Variants in TLK1 observed in about 807,000 individuals in gnomAD.
TLK1 encodes tousled like kinase 1, also known as serine/threonine-protein kinase tousled-like 1.
Under a neutral mutation model 105.3 loss-of-function variants are expected in TLK1, and 24 were observed. The observed-to-expected ratio is 0.23, with a 90% CI of 0.17 to 0.32. TLK1 has a LOEUF of 0.32. TLK1 is among the 10% of genes least tolerant of loss of function. The pLI is 1.00. For synonymous variants in TLK1, 321 were observed against 310.4 expected (o/e 1.03, Z -0.36); for missense variants, 558 against 910.5 (o/e 0.61, Z 4.98).
At chr2:171,080,228 A>G (rs887007599) in intron 3 of TLK1, among the ~76,000 whole-genome samples, 1 of 151,280 alleles carries the variant, frequency 6.6e-6, no homozygotes, top group Admixed American at 6.6e-5. Context: ...TAAACCTTCC[A>G]GTACTATTTG....
At chr2:171,021,507 A>C (rs987043556) in intron 12 of TLK1, among the ~76,000 whole-genome samples, 2 of 142,418 alleles carry the variant, frequency 1.4e-5, no homozygotes, top group African/African-American at 2.7e-5. Context: ...GGCTGAAGCA[A>C]TCCTCTGGCC....
intron 3 of TLK1, among the ~76,000 whole-genome samples, chr2:171,072,629 G>A (rs1005732813): frequency 3.3e-5 from 5 of 152,288 alleles, no homozygotes; most frequent in Admixed American, 6.5e-5. Context: ...TTAGCCAAGC[G>A]TGGTGGTGGG....
intron 1 of TLK1, among the ~76,000 whole-genome samples, chr2:171,222,927 G>A (rs1693834617): frequency 6.6e-6 from 1 of 152,032 alleles, no homozygotes. Flanking sequence ...TGATTCTCTT[G>A]CATCAGCCTC....
At chr2:171,050,031 G>A in intron 9 of TLK1, 33 bp downstream of exon 9, 1 of 1,606,482 alleles carries the variant, frequency 6.2e-7, no homozygotes. Context: ...GCTAATGAAG[G>A]GAAAGCGAAA....
At chr2:171,153,845 A>G (rs1025256706) in intron 1 of TLK1, 1 of 152,194 alleles carries the variant, frequency 6.6e-6, no homozygotes, top group African/African-American at 2.4e-5. Flanking sequence ...CTATCACACT[A>G]CTTACCATGC....
Position 171,002,270 on chromosome 2 carries a change from T to C in TLK1, c.1904+3877A>G, listed in dbSNP as rs191833988. 3.9e-5 allele frequency among the ~76,000 whole-genome samples: 6 copies of C among 152,236 alleles called. No individual in the cohort carries two copies. The East Asian group carries it at 1.2e-3, about 29-fold the overall frequency. Reference sequence around the variant, plus strand: ...GTCATATCATCTTTTTCTTTTTTTTTACTTTTGAGACAGAGTCTGGCTCTG... The same window carrying C: ...GTCATATCATCTTTTTCTTTTTTTTCACTTTTGAGACAGAGTCTGGCTCTG... On this transcript the variant is annotated intron_variant, in intron 18 of 20. Coordinates refer to ENST00000431350, the MANE Select transcript of TLK1 (RefSeq NM_012290.5).
chr2:171,004,344 G>GT (rs1294424211), intron 18 of TLK1, among the ~76,000 whole-genome samples: 1 of 151,380 alleles, frequency 6.6e-6, no homozygotes, highest in African/African-American at 2.4e-5. Flanking sequence ...ATTTTCCAAT[G>GT]TATTTATCGG....
At chr2:171,145,979 C>G (rs1691776426) in intron 1 of TLK1, among the ~76,000 whole-genome samples, 2 of 151,560 alleles carry the variant, frequency 1.3e-5, no homozygotes, top group Admixed American at 1.3e-4. Context: ...TCTCAGTGGT[C>G]GTTACACAGG....
chr2:171,082,761 T>C lies in TLK1; in HGVS notation c.330+20A>G. On this transcript the variant is annotated intron_variant, in intron 3 of 20. Coordinates refer to ENST00000431350, the MANE Select transcript of TLK1 (RefSeq NM_012290.5). ...CAGCTTTTACTTTAATAGCACCATATTTAAAATGAAATTACTTACCTCTGA... is the reference window on the plus strand; with the variant it reads ...CAGCTTTTACTTTAATAGCACCATACTTAAAATGAAATTACTTACCTCTGA... 6.4e-7 allele frequency: 1 copy of C among 1,560,726 alleles called. No individual in the cohort carries two copies. The highest frequency in any genetic ancestry group is 8.8e-7 in the Non-Finnish European group (1 of 1,140,846).
intron 2 of TLK1, among the ~76,000 whole-genome samples, chr2:171,106,665 T>A (rs537311913): frequency 6.6e-6 from 1 of 152,194 alleles, no homozygotes; most frequent in African/African-American, 2.4e-5. Context: ...TACCAGCAAT[T>A]TGATCCTTAG....
chr2:171,225,408 C>T (rs968544771), intron 1 of TLK1, among the ~76,000 whole-genome samples: 1 of 151,840 alleles, frequency 6.6e-6, no homozygotes, highest in African/African-American at 2.4e-5. Context: ...ATCAGGGACT[C>T]AAAACCACAA....
rs1376950429 is a variant in TLK1, at chr2:170,996,699, G to A, written c.2078C>T (p.Thr693Ile). 1.9e-5 allele frequency: 31 copies of A among 1,613,874 alleles called. No individual in the cohort carries two copies. The highest frequency in any genetic ancestry group is 2.5e-5 in the Non-Finnish European group (30 of 1,179,916). The stretch of plus-strand genomic sequence containing the variant: ...CGGTTTTACAGGGAACTGGACTTCT[G>A]TGGCTTTTAATATTGTATTTTCTTG... ...ILQENTILKATEVQFPVKPVV... is the reference protein window; with the variant it reads ...ILQENTILKAIEVQFPVKPVV... Residue 693 changes from threonine to isoleucine, a missense_variant, in exon 20 of 21, where the codon ACA becomes ATA. Coordinates refer to ENST00000431350, the MANE Select transcript of TLK1 (RefSeq NM_012290.5).
At chr2:171,143,579 T>C (rs1259945723) in intron 1 of TLK1, among the ~76,000 whole-genome samples, 1 of 129,982 alleles carries the variant, frequency 7.7e-6, no homozygotes, top group African/African-American at 2.7e-5. Context: ...GGTGGAATAG[T>C]AGAGCTATAC....
chr2:171,052,500 T>C (rs565722306), intron 8 of TLK1, among the ~76,000 whole-genome samples: 2 of 152,326 alleles, frequency 1.3e-5, no homozygotes, highest in African/African-American at 4.8e-5. Context: ...AATTATGGTA[T>C]ACTTGTAACA....
At chr2:171,065,677 A>G (rs1469885752) in intron 3 of TLK1, among the ~76,000 whole-genome samples, 2 of 151,944 alleles carry the variant, frequency 1.3e-5, no homozygotes, top group African/African-American at 4.8e-5. Context: ...AGCTGGGACT[A>G]CAGGCGCCCG....
intron 3 of TLK1, among the ~76,000 whole-genome samples, chr2:171,070,516 G>C (rs1688202984): frequency 6.6e-6 from 1 of 152,058 alleles, no homozygotes; most frequent in Non-Finnish European, 1.5e-5. Flanking sequence ...AAATAAGTGA[G>C]AACATGTGAA....
At chr2:171,148,741 G>GGCC (rs1324672523) in intron 1 of TLK1, among the ~76,000 whole-genome samples, 1 of 151,586 alleles carries the variant, frequency 6.6e-6, no homozygotes, top group African/African-American at 2.4e-5. Context: ...AAATTAGCTG[G>GGCC]GCGTGGTGAT....
intron 1 of TLK1, among the ~76,000 whole-genome samples, chr2:171,180,672 T>C (rs1489167760): frequency 6.6e-6 from 1 of 152,196 alleles, no homozygotes; most frequent in Non-Finnish European, 1.5e-5. Flanking sequence ...AAAGTTTCAG[T>C]AGTCCAGGAG....
At chr2:171,060,103 C>T (rs761258924) in intron 4 of TLK1, 26 of 1,470,372 alleles carry the variant, frequency 1.8e-5, no homozygotes, top group Non-Finnish European at 2.3e-5. Flanking sequence ...GAAGGTGAAA[C>T]AAGAAAAAAC....
Sources: allele counts gnomAD v4.1 joint callset (sites outside exome capture counted in the v4.1 genomes callset), GRCh38; gene constraint gnomAD v4.1.1; transcripts MANE v1.5; gene names NCBI Gene and HGNC (gene_info 2026-07-23, HGNC 2026-07-21).